SDK2: variants seen among roughly 807,000 people sequenced by gnomAD.
The protein encoded by SDK2 is protein sidekick-2.
In SDK2, 105 loss-of-function variants were observed where a neutral mutation model predicts 253.9. The observed-to-expected ratio is 0.41, with a 90% CI of 0.35 to 0.49. The LOEUF (loss-of-function observed/expected upper bound fraction) is 0.49, where lower values mean the gene tolerates loss of function less well. SDK2 is among the 20% of genes least tolerant of loss of function. The pLI is 0.06. For synonymous variants in SDK2, 1,249 were observed against 1,234.9 expected, an observed-to-expected ratio of 1.01 and a Z score of -0.24; for missense variants, 2,608 against 3,003.0, an observed-to-expected ratio of 0.87 and a Z score of 3.07.
At chr17:73,577,738 C>G (rs1003382181) in intron 1 of SDK2, among the ~76,000 whole-genome samples, 1 of 152,166 alleles carries the variant, frequency 6.6e-6, no homozygotes, top group African/African-American at 2.4e-5. Context: ...AGTTTCCTCA[C>G]GTGTAAAATA....
At chr17:73,378,448 C>T (rs2062802087) in intron 36 of SDK2, among the ~76,000 whole-genome samples, 1 of 150,920 alleles carries the variant, frequency 6.6e-6, no homozygotes, top group African/African-American at 2.4e-5. Flanking sequence ...GAGACAGAGT[C>T]TCACTCTATT....
At position 73,361,354 on chromosome 17, in the gene SDK2, G is replaced by T. The variant is rs1164695679; in HGVS notation, c.5467+330C>A. ...CTGCCAGGCTGCATCCTTCCAGGAC[G>T]GAAGTAAAGGAGGCCATGCAATTAG... On this transcript the variant is annotated intron_variant, in intron 39 of 44. Transcript: ENST00000392650. This position sits in a 1 kb window ranked among gnomAD's most constrained non-coding sequence, Gnocchi z 4.1. Among the ~76,000 whole-genome samples, 2 of 152,224 alleles carry T rather than the reference G, an allele frequency of 1.3e-5. No homozygotes were observed. The highest frequency in any genetic ancestry group is 2.9e-5 in the Non-Finnish European group (2 of 68,044).
intron 1 of SDK2, among the ~76,000 whole-genome samples, chr17:73,549,272 C>A: frequency 6.6e-6 from 1 of 152,202 alleles, no homozygotes; most frequent in East Asian, 1.9e-4. Flanking sequence ...TGGCAGCCCT[C>A]CTTGATTGTT....
At chr17:73,550,571 T>C in intron 1 of SDK2, among the ~76,000 whole-genome samples, 1 of 151,838 alleles carries the variant, frequency 6.6e-6, no homozygotes, top group South Asian at 2.1e-4. Flanking sequence ...CCACAGAGCT[T>C]TTGACCGTCT....
At chr17:73,403,245 G>T (rs371050931) in intron 18 of SDK2, among the ~76,000 whole-genome samples, 1 of 152,266 alleles carries the variant, frequency 6.6e-6, no homozygotes, top group East Asian at 1.9e-4. Flanking sequence ...CTCTCCAAGG[G>T]TTACTTCCTA....
chr17:73,402,781 T>G (rs187485825), intron 18 of SDK2, among the ~76,000 whole-genome samples: 2 of 151,910 alleles, frequency 1.3e-5, no homozygotes, highest in African/African-American at 2.4e-5. Context: ...GCCCTGTATT[T>G]TATTTTATTA....
intron 1 of SDK2, among the ~76,000 whole-genome samples, chr17:73,569,149 TG>T (rs2045347772): frequency 6.6e-6 from 1 of 151,928 alleles, no homozygotes; most frequent in Admixed American, 6.5e-5. Flanking sequence ...GAGATAGAGC[TG>T]GGGTTGAAAG....
intron 1 of SDK2, among the ~76,000 whole-genome samples, chr17:73,630,619 T>C (rs1238863324): frequency 6.6e-6 from 1 of 152,066 alleles, no homozygotes; most frequent in East Asian, 1.9e-4. Flanking sequence ...TCAAGATCTT[T>C]CTCAGCAGAG....
chr17:73,643,611 G>A lies in SDK2; in HGVS notation c.64+414C>T, dbSNP rs1157582259. On this transcript the variant is annotated intron_variant, in intron 1 of 44. Coordinates refer to ENST00000392650, the MANE Select transcript of SDK2 (RefSeq NM_001144952.2). This position sits in a 1 kb window ranked among gnomAD's most constrained non-coding sequence, Gnocchi z 6.9. ...CCATCGCCTGCCCGGCAGGGGCCCTGCCCTTCCCCGCAGACACCGAGCAGG... is the reference window on the plus strand; with the variant it reads ...CCATCGCCTGCCCGGCAGGGGCCCTACCCTTCCCCGCAGACACCGAGCAGG... 6.6e-6 allele frequency among the ~76,000 whole-genome samples: 1 copy of A among 152,110 alleles called. No individual in the cohort carries two copies. Among genetic ancestry groups the A allele is most frequent in the Non-Finnish European group, 1.5e-5 (1 of 67,992 alleles).
rs1166300758 is a variant in SDK2, at chr17:73,541,924, G to T, written c.65-34327C>A. Among the ~76,000 whole-genome samples, 1 of 152,158 alleles carries T rather than the reference G, an allele frequency of 6.6e-6. No individual in the cohort carries two copies. Among genetic ancestry groups the T allele is most frequent in the Non-Finnish European group, 1.5e-5 (1 of 68,034 alleles). On this transcript the variant is annotated intron_variant, in intron 1 of 44. Coordinates refer to ENST00000392650, the MANE Select transcript of SDK2 (RefSeq NM_001144952.2). The surrounding 1 kb of genome is among the most constrained non-coding windows in gnomAD (Gnocchi z 4.3). ...CCTGTTCTTGCCTGTGTGCCCTGAGGAGAGCCCCAAACCTCTCTGAGCCTG... is the reference window on the plus strand; with the variant it reads ...CCTGTTCTTGCCTGTGTGCCCTGAGTAGAGCCCCAAACCTCTCTGAGCCTG...
At chr17:73,572,410 C>A (rs1453402144) in intron 1 of SDK2, among the ~76,000 whole-genome samples, 4 of 152,010 alleles carry the variant, frequency 2.6e-5, no homozygotes, top group African/African-American at 9.7e-5. Flanking sequence ...GCGCTCCGAC[C>A]CCTCTTCCTA....
In SDK2 at chr17:73,338,791, G is replaced by T. The variant is rs145172071; in HGVS notation, c.6315C>A (p.Ser2105Arg). The change falls in exon 45 of 45, where the codon AGC becomes AGA. Residue 2105 changes from serine (S) to arginine (R), a missense_variant. Ser to Arg is a moderately radical substitution (Grantham distance 110). Transcript: ENST00000392650. This position sits in a 1 kb window ranked among gnomAD's most constrained non-coding sequence, Gnocchi z 5.0. ...TGGTGTGGTCTGGCTCACCCGAGTC[G>T]CTCTCCGTGTAGCTGTAGGCCTGTG... Reference protein sequence around the residue: ...SRAQAYSYTESDSGEPDHTTV... With the variant: ...SRAQAYSYTERDSGEPDHTTV... The T allele has an allele frequency of 3.1e-6, 5 of 1,613,914 alleles. No homozygotes were observed. In the Admixed American group the frequency reaches 6.7e-5, roughly 22 times the overall value.
At chr17:73,545,099 G>GCGCACACACACACA (rs147498499) in intron 1 of SDK2, among the ~76,000 whole-genome samples, 22 of 145,716 alleles carry the variant, frequency 1.5e-4, no homozygotes, top group African/African-American at 5.4e-4. Context: ...GCACGTGCAC[G>GCGCACACACACACA]CACACACACA....
intron 1 of SDK2, among the ~76,000 whole-genome samples, chr17:73,601,673 C>T (rs900843188): frequency 2.0e-5 from 3 of 152,124 alleles, no homozygotes; most frequent in Non-Finnish European, 4.4e-5. Context: ...GACAAGCTCT[C>T]CTTGGAGTCT....
intron 2 of SDK2, among the ~76,000 whole-genome samples, chr17:73,474,560 C>T (rs1567794041): frequency 6.6e-6 from 1 of 152,228 alleles, no homozygotes; most frequent in Non-Finnish European, 1.5e-5. Context: ...TTATCTCTGC[C>T]ACCGGCTGCA....
In SDK2 at chr17:73,390,448, G is replaced by A. The variant is rs746572349; in HGVS notation, c.4031C>T (p.Thr1344Met). 1.1e-5 allele frequency: 17 copies of A among 1,612,398 alleles called. No homozygotes were observed. Among genetic ancestry groups the A allele is most frequent in the Admixed American group, 1.0e-4 (6 of 59,828 alleles). ...CACCTCCACAGTGGCGGTGTTGGCC[G>A]TGGTGGTGTTGAGCCGGTGTGTGAT... is the stretch of plus-strand genomic sequence containing the variant. ...YQITHRLNTTTANTATVEVLA... is the reference protein window; with the variant it reads ...YQITHRLNTTMANTATVEVLA... Residue 1344 changes from threonine to methionine, a missense_variant, in exon 29 of 45, where the codon ACG becomes ATG. Coordinates refer to ENST00000392650, the MANE Select transcript of SDK2 (RefSeq NM_001144952.2).
rs1372004193 is a variant in SDK2, at chr17:73,431,492, G to T, written c.1480+10C>A. 1.9e-6 allele frequency: 3 copies of T among 1,607,512 alleles called. No individual in the cohort carries two copies. The highest frequency in any genetic ancestry group is 3.4e-5 in the Admixed American group (2 of 58,202). ...CAAATGTATAAAGCCCTGTGGCTCT[G>T]CACACTCACCCCAAACGACTAGGTC... On this transcript the variant is annotated intron_variant, in intron 11 of 44. Coordinates refer to ENST00000392650, the MANE Select transcript of SDK2 (RefSeq NM_001144952.2). The surrounding 1 kb of genome is among the most constrained non-coding windows in gnomAD (Gnocchi z 5.6).
intron 1 of SDK2, among the ~76,000 whole-genome samples, chr17:73,593,931 C>G (rs976848633): frequency 7.2e-5 from 11 of 152,198 alleles, no homozygotes; most frequent in African/African-American, 2.7e-4. Context: ...GTTGCATTAT[C>G]TCCTTTAATC....
intron 18 of SDK2, among the ~76,000 whole-genome samples, chr17:73,411,573 G>A (rs1010290842): frequency 2.6e-5 from 4 of 152,100 alleles, no homozygotes; most frequent in Non-Finnish European, 4.4e-5. Context: ...CTGGGGGCAG[G>A]TCCTACCCCT....
Sources: gnomAD v4.1 joint callset for allele counts (sites outside exome capture counted in the v4.1 genomes callset) on GRCh38, gnomAD v4.1.1 for gene constraint, Gnocchi (gnomAD v3.1) non-coding constraint, MANE v1.5 for transcripts, NCBI Gene and HGNC (gene_info 2026-07-23, HGNC 2026-07-21) for gene names.